The following GPR158 variants were observed in gnomAD, a reference collection of about 807,000 sequenced individuals.
GPR158 encodes the protein metabotropic glycine receptor.
In GPR158, 30 loss-of-function variants were observed where a neutral mutation model predicts 78.2. The ratio of observed to expected loss-of-function variants is 0.38; its 90% CI spans 0.29 to 0.52. GPR158 has a LOEUF of 0.52. Ranked by LOEUF, GPR158 falls within the 20% of genes least tolerant of loss-of-function variation. The pLI is 0.83. For missense variants in GPR158, 1,463 were observed against 1,523.5 expected, an observed-to-expected ratio of 0.96 and a Z score of 0.66; for synonymous variants, 581 against 591.1, an observed-to-expected ratio of 0.98 and a Z score of 0.25.
rs1353825573 is a variant in GPR158 at position 25,598,247 on chromosome 10, C to T, written c.2621C>T (p.Pro874Leu). The T allele has an allele frequency of 5.0e-6, 8 of 1,613,984 alleles. No homozygotes were observed. Among genetic ancestry groups the T allele is most frequent in the African/African-American group, 2.7e-5 (2 of 74,974 alleles). The change falls in exon 11 of 11, where the codon CCG (proline) becomes CTG (leucine). Residue 874 changes from proline (P) to leucine (L), a missense_variant. Coordinates refer to ENST00000376351, the MANE Select transcript of GPR158 (RefSeq NM_020752.3). Reference sequence around the variant, plus strand: ...GAGGCTGAGTCCACGGAGTCGGTGCCGTTGGTGTGCAAGTCAGCAAGCGCT... The same window carrying T: ...GAGGCTGAGTCCACGGAGTCGGTGCTGTTGGTGTGCAAGTCAGCAAGCGCT... ...DSEAESTESV[P>L]LVCKSASAHN...
intron 2 of GPR158, among the ~76,000 whole-genome samples, chr10:25,289,585 A>G (rs1010481469): frequency 1.4e-4 from 21 of 151,658 alleles, no homozygotes; most frequent in Non-Finnish European, 2.6e-4. Flanking sequence ...GGCGCCCACC[A>G]CCACCCCCGG....
At chr10:25,208,521 C>T (rs562111827) in intron 1 of GPR158, among the ~76,000 whole-genome samples, 7 of 151,556 alleles carry the variant, frequency 4.6e-5, no homozygotes, top group African/African-American at 7.3e-5. Flanking sequence ...ACCAGAACCA[C>T]GGTTCTCAGT....
intron 2 of GPR158, among the ~76,000 whole-genome samples, chr10:25,276,255 T>C (rs1319060553): frequency 6.6e-6 from 1 of 152,228 alleles, no homozygotes; most frequent in East Asian, 1.9e-4. Context: ...GTAGTATTAC[T>C]GTACCCTAAG....
intron 2 of GPR158, among the ~76,000 whole-genome samples, chr10:25,291,435 A>G (rs1854434522): frequency 6.6e-6 from 1 of 151,968 alleles, no homozygotes; most frequent in Non-Finnish European, 1.5e-5. Flanking sequence ...CCATAGATAA[A>G]TTTCTTTTGT....
chr10:25,347,344 T>C (rs1855383766), intron 2 of GPR158, among the ~76,000 whole-genome samples: 1 of 151,988 alleles, frequency 6.6e-6, no homozygotes, highest in African/African-American at 2.4e-5. Flanking sequence ...GTTCTCTACT[T>C]CTAAGGACAC....
At chr10:25,312,138 T>C (rs1269193585) in intron 2 of GPR158, among the ~76,000 whole-genome samples, 1 of 152,024 alleles carries the variant, frequency 6.6e-6, no homozygotes, top group East Asian at 1.9e-4. Context: ...AAACTTGACA[T>C]GTGGAAATTT....
chr10:25,430,096 G>A (rs1213892948), intron 4 of GPR158, among the ~76,000 whole-genome samples: 3 of 150,802 alleles, frequency 2.0e-5, no homozygotes, highest in African/African-American at 7.3e-5. Context: ...TGACATGATT[G>A]TATATCTAGA....
intron 2 of GPR158, among the ~76,000 whole-genome samples, chr10:25,278,622 A>G (rs1854220041): frequency 6.6e-6 from 1 of 152,052 alleles, no homozygotes; most frequent in South Asian, 2.1e-4. Flanking sequence ...ATTGTAAAAA[A>G]TTGTAAAATA....
intron 5 of GPR158, among the ~76,000 whole-genome samples, chr10:25,509,412 A>G (rs1004198748): frequency 6.6e-6 from 1 of 152,182 alleles, no homozygotes; most frequent in African/African-American, 2.4e-5. Context: ...CTGTGGGTCA[A>G]TAATTCTGAC....
chr10:25,415,783 A>T (rs1834649974), intron 4 of GPR158, among the ~76,000 whole-genome samples: 1 of 152,112 alleles, frequency 6.6e-6, no homozygotes, highest in Non-Finnish European at 1.5e-5. Flanking sequence ...CATTTAAATG[A>T]AATGCTCAGA....
intron 1 of GPR158, among the ~76,000 whole-genome samples, chr10:25,209,621 A>G (rs1853100352): frequency 6.6e-6 from 1 of 151,060 alleles, no homozygotes; most frequent in African/African-American, 2.4e-5. Context: ...GATAAAAAGA[A>G]ATGTTAGTTA....
chr10:25,325,842 G>A (rs578253630), intron 2 of GPR158, among the ~76,000 whole-genome samples: 6 of 149,946 alleles, frequency 4.0e-5, no homozygotes, highest in African/African-American at 1.5e-4. Context: ...GTTTTTATTT[G>A]CATTTCCCTG....
intron 2 of GPR158, among the ~76,000 whole-genome samples, chr10:25,291,952 A>G (rs1405020101): frequency 6.6e-6 from 1 of 152,108 alleles, no homozygotes; most frequent in Non-Finnish European, 1.5e-5. Context: ...AAGAATTCTC[A>G]AATACTGGGG....
At chr10:25,405,589 G>C (rs1294303446) in intron 3 of GPR158, among the ~76,000 whole-genome samples, 1 of 120,378 alleles carries the variant, frequency 8.3e-6, no homozygotes, top group Non-Finnish European at 1.6e-5. Context: ...GCCTCCAGAT[G>C]TTAAAAGCCC....
chr10:25,196,805 A>T (rs1852850880), intron 1 of GPR158, among the ~76,000 whole-genome samples: 1 of 152,218 alleles, frequency 6.6e-6, no homozygotes, highest in South Asian at 2.1e-4. Flanking sequence ...ACTGTGCTGT[A>T]GGGAGGGGAT....
chr10:25,436,349 C>G (rs77679013), intron 4 of GPR158, among the ~76,000 whole-genome samples: 2,717 of 152,160 alleles, frequency 0.018, 70 homozygotes, highest in African/African-American at 0.053. Flanking sequence ...GATATTTGAG[C>G]TGGAAACTTA....
chr10:25,339,376 A>C (rs915925066), intron 2 of GPR158, among the ~76,000 whole-genome samples: 3 of 152,102 alleles, frequency 2.0e-5, no homozygotes, highest in African/African-American at 7.2e-5. Context: ...CAAAAATAAA[A>C]TTGATTAGTA....
chr10:25,382,162 C>G (rs1440354459), intron 2 of GPR158, among the ~76,000 whole-genome samples: 1 of 152,134 alleles, frequency 6.6e-6, no homozygotes, highest in Non-Finnish European at 1.5e-5. Context: ...GTCGAACATA[C>G]AAAGAATTTA....
At chr10:25,574,892 T>C (rs1369177362) in intron 7 of GPR158, among the ~76,000 whole-genome samples, 2 of 150,712 alleles carry the variant, frequency 1.3e-5, no homozygotes, top group Non-Finnish European at 3.0e-5. Flanking sequence ...CTCAAAGAAA[T>C]AAAAAACAAA....
Sources: allele counts gnomAD v4.1 joint callset (sites outside exome capture counted in the v4.1 genomes callset), GRCh38; gene constraint gnomAD v4.1.1; transcripts MANE v1.5; gene names NCBI Gene and HGNC (gene_info 2026-07-23, HGNC 2026-07-21).